EVI5: variants seen among roughly 807,000 people sequenced by gnomAD.
EVI5 encodes the protein ecotropic viral integration site 5, also known as ecotropic viral integration site 5 protein homolog.
A neutral mutation model predicts 112.0 loss-of-function variants in EVI5; 73 were observed. That is an observed-to-expected ratio of 0.65 (90% confidence interval 0.54 to 0.79). The LOEUF (loss-of-function observed/expected upper bound fraction) is 0.79. Ranked by LOEUF, EVI5 falls within the 30% of genes least tolerant of loss-of-function variation. EVI5 has a pLI of 0.00. For synonymous variants in EVI5, 305 were observed against 319.9 expected (o/e 0.95, Z 0.50); for missense variants, 900 against 968.8 (o/e 0.93, Z 0.94).
chr1:92,743,636 C>T (rs1028877736), intron 1 of EVI5, among the ~76,000 whole-genome samples: 1 of 152,090 alleles, frequency 6.6e-6, no homozygotes, highest in Non-Finnish European at 1.5e-5. Flanking sequence ...TAATTATAGA[C>T]TTAAAATGGT....
At chr1:92,531,587 C>G (rs1662874031) in intron 19 of EVI5, among the ~76,000 whole-genome samples, 1 of 152,228 alleles carries the variant, frequency 6.6e-6, no homozygotes, top group Admixed American at 6.5e-5. Context: ...AACAACGGAT[C>G]TCTCAGCAGA....
intron 16 of EVI5, among the ~76,000 whole-genome samples, chr1:92,613,069 A>T (rs1311284635): frequency 6.6e-6 from 1 of 152,154 alleles, no homozygotes; most frequent in Non-Finnish European, 1.5e-5. Context: ...GAAGGCGCTA[A>T]ACCTTGCCTG....
chr1:92,691,802 A>T (rs1402636237), intron 9 of EVI5, among the ~76,000 whole-genome samples: 4 of 152,234 alleles, frequency 2.6e-5, no homozygotes, highest in Non-Finnish European at 5.9e-5. Flanking sequence ...AACATAGCTA[A>T]GTCTACAAGC....
intron 9 of EVI5, among the ~76,000 whole-genome samples, chr1:92,692,486 C>T (rs189072499): frequency 6.2e-4 from 94 of 152,222 alleles, no homozygotes; most frequent in Non-Finnish European, 1.1e-3. Context: ...TTATTTAAAA[C>T]ATCACAAGTA....
chr1:92,628,932 G>A (rs982772969), intron 14 of EVI5, among the ~76,000 whole-genome samples: 1 of 152,172 alleles, frequency 6.6e-6, no homozygotes, highest in Non-Finnish European at 1.5e-5. Flanking sequence ...AAAAGAGGAT[G>A]CTGCAGGAAG....
Position 92,510,299 on chromosome 1 carries a change from G to A in EVI5, c.*3357C>T, listed in dbSNP as rs953111302. On this transcript the variant is annotated 3_prime_UTR_variant, in exon 20 of 20. Coordinates refer to ENST00000684568, the MANE Select transcript of EVI5 (RefSeq NM_001350197.2). ...TTACTCAATAAAGCATACTCTTAAA[G>A]GTCTGTGATGCATGCTTTAAAGAAC... The A allele has an allele frequency of 6.6e-6, 1 of 152,116 alleles. No homozygotes were observed. The highest frequency in any genetic ancestry group is 2.4e-5 in the African/African-American group (1 of 41,398). The allele number at this position is 152,116 out of a possible 1,614,324, so 9.4% of individuals were successfully genotyped here.
intron 19 of EVI5, among the ~76,000 whole-genome samples, chr1:92,518,244 A>T (rs934760308): frequency 1.3e-5 from 2 of 152,176 alleles, no homozygotes; most frequent in Non-Finnish European, 2.9e-5. Flanking sequence ...TTTTGAATAC[A>T]TACTACATGA....
chr1:92,646,999 A>G, intron 13 of EVI5: 1 of 215,572 alleles, frequency 4.6e-6, no homozygotes, highest in South Asian at 8.4e-5. Context: ...GCCCTCCCCT[A>G]CTCTAAGGTA....
At chr1:92,689,513 G>A (rs186196864) in intron 9 of EVI5, among the ~76,000 whole-genome samples, 79 of 152,190 alleles carry the variant, frequency 5.2e-4, no homozygotes, top group Non-Finnish European at 8.7e-4. Context: ...CAGGTGTGCT[G>A]GCGCCACCAC....
At chr1:92,590,492 G>A (rs1218855982) in intron 18 of EVI5, among the ~76,000 whole-genome samples, 4 of 152,146 alleles carry the variant, frequency 2.6e-5, no homozygotes, top group Admixed American at 6.5e-5. Context: ...AGCCGATTCG[G>A]TCAAGTGGAA....
chr1:92,777,160 ACTC>A (rs1342398158), intron 1 of EVI5, among the ~76,000 whole-genome samples: 2 of 150,606 alleles, frequency 1.3e-5, no homozygotes, highest in African/African-American at 4.9e-5. Context: ...CTGGTCTTAA[ACTC>A]CTGACCTCAG....
chr1:92,665,785 G>T (rs866394283), intron 11 of EVI5, among the ~76,000 whole-genome samples, 154 bp downstream of exon 11: 7 of 152,142 alleles, frequency 4.6e-5, no homozygotes, highest in Admixed American at 1.3e-4. Flanking sequence ...TTAGTAACAA[G>T]TTATCTGGCT....
intron 18 of EVI5, among the ~76,000 whole-genome samples, chr1:92,585,996 C>T (rs541822931): frequency 6.6e-6 from 1 of 151,918 alleles, no homozygotes; most frequent in African/African-American, 2.4e-5. Context: ...CATTACTATT[C>T]AGGTATTTTG....
intron 13 of EVI5, among the ~76,000 whole-genome samples, chr1:92,657,592 G>T (rs529560392): frequency 6.6e-6 from 1 of 152,142 alleles, no homozygotes; most frequent in African/African-American, 2.4e-5. Context: ...GAACCTGGGA[G>T]GTTGAGGCTG....
chr1:92,549,274 CT>C (rs1463262278), intron 19 of EVI5, among the ~76,000 whole-genome samples: 1 of 152,112 alleles, frequency 6.6e-6, no homozygotes, highest in Admixed American at 6.5e-5. Flanking sequence ...ATAAATGGTG[CT>C]GGGAAAACTG....
intron 1 of EVI5, among the ~76,000 whole-genome samples, chr1:92,764,724 TA>T (rs1020389134): frequency 2.6e-5 from 4 of 152,216 alleles, no homozygotes; most frequent in African/African-American, 9.7e-5. Context: ...TACCTAGTAT[TA>T]AAAGATTTTT....
chr1:92,668,506 G>C (rs1484139847), intron 10 of EVI5, among the ~76,000 whole-genome samples: 2 of 152,186 alleles, frequency 1.3e-5, no homozygotes, highest in African/African-American at 4.8e-5. Context: ...CCAGACAACT[G>C]AGTGAATAAA....
chr1:92,674,447 ACAC>A (rs1386342933), intron 10 of EVI5, among the ~76,000 whole-genome samples: 1 of 152,212 alleles, frequency 6.6e-6, no homozygotes, highest in East Asian at 1.9e-4. Flanking sequence ...AGAATACCAA[ACAC>A]CACATGTTCT....
At chr1:92,591,368 C>T (rs986146025) in intron 18 of EVI5, among the ~76,000 whole-genome samples, 10 of 152,044 alleles carry the variant, frequency 6.6e-5, no homozygotes, top group Non-Finnish European at 1.0e-4. Flanking sequence ...AGGAAACCCA[C>T]CTCAAGTGCA....
Sources: allele counts gnomAD v4.1 joint callset (sites outside exome capture counted in the v4.1 genomes callset), GRCh38; gene constraint gnomAD v4.1.1; transcripts MANE v1.5; gene names NCBI Gene and HGNC (gene_info 2026-07-23, HGNC 2026-07-21).